CEP128: variants seen among roughly 807,000 people sequenced by gnomAD.
The protein encoded by CEP128 is centrosomal protein 128kDa.
CEP128 carries 132 observed loss-of-function variants against 156.7 expected under a neutral mutation model. The ratio of observed to expected loss-of-function variants is 0.84; its 90% CI spans 0.73 to 0.97. The LOEUF (loss-of-function observed/expected upper bound fraction) is 0.97. Among genes scored for constraint, CEP128 ranks in the 50% least tolerant of loss-of-function variants. The pLI is 0.00. For missense variants in CEP128, 1,252 were observed against 1,281.9 expected (o/e 0.98, Z 0.36); for synonymous variants, 469 against 448.9 (o/e 1.04, Z -0.57).
chr14:80,510,771 C>T (rs1445670060), intron 23 of CEP128, among the ~76,000 whole-genome samples: 3 of 151,304 alleles, frequency 2.0e-5, no homozygotes, highest in Non-Finnish European at 4.4e-5. Flanking sequence ...AGATATGTTC[C>T]TTTTAAAATC....
chr14:80,559,471 C>T (rs1890578109), intron 20 of CEP128, among the ~76,000 whole-genome samples, 169 bp from the exon 21 acceptor site: 2 of 152,064 alleles, frequency 1.3e-5, no homozygotes, highest in African/African-American at 4.8e-5. Flanking sequence ...AAATAGTCAT[C>T]AAAGAATGAA....
At chr14:80,887,911 A>G (rs1178310688) in intron 8 of CEP128, among the ~76,000 whole-genome samples, 1 of 152,196 alleles carries the variant, frequency 6.6e-6, no homozygotes, top group African/African-American at 2.4e-5. Context: ...AAGAGAGATG[A>G]ATCAAATAGA....
intron 5 of CEP128, 47 bp from the exon 6 acceptor site, chr14:80,904,978 A>G: frequency 9.3e-7 from 1 of 1,077,516 alleles, no homozygotes; most frequent in Non-Finnish European, 1.4e-6. Context: ...CTGCATGAGA[A>G]GAGACAATCT....
intron 19 of CEP128, among the ~76,000 whole-genome samples, chr14:80,610,205 A>T (rs1387363849): frequency 6.6e-6 from 1 of 152,168 alleles, no homozygotes; most frequent in Admixed American, 6.5e-5. Context: ...CCATTTATAG[A>T]ATTATCAATC....
At chr14:80,872,924 A>G (rs547899271) in intron 8 of CEP128, among the ~76,000 whole-genome samples, 103 of 152,314 alleles carry the variant, frequency 6.8e-4, no homozygotes, top group African/African-American at 2.3e-3. Flanking sequence ...TTCACTTTGG[A>G]CATTTTTTTC....
chr14:80,866,922 C>T (rs976145423), intron 8 of CEP128, among the ~76,000 whole-genome samples: 21 of 152,158 alleles, frequency 1.4e-4, no homozygotes, highest in South Asian at 4.1e-4. Flanking sequence ...TGCCTGAAAC[C>T]GAGGATAGTA....
intron 19 of CEP128, among the ~76,000 whole-genome samples, chr14:80,685,813 A>T (rs1783257649): frequency 6.6e-6 from 1 of 152,272 alleles, no homozygotes; most frequent in Admixed American, 6.5e-5. Context: ...CTGCACTCCT[A>T]GCACTATCTA....
At chr14:80,656,317 A>ATT (rs1441892605) in intron 19 of CEP128, among the ~76,000 whole-genome samples, 6 of 24,988 alleles carry the variant, frequency 2.4e-4, no homozygotes, top group African/African-American at 1.0e-3. Context: ...ATATATATAT[A>ATT]TATATATATA....
chr14:80,727,096 C>T (rs1312911165), intron 19 of CEP128, among the ~76,000 whole-genome samples: 5 of 152,086 alleles, frequency 3.3e-5, no homozygotes, highest in Non-Finnish European at 1.5e-5. Flanking sequence ...AAGTACAATA[C>T]CGCTGTGAAA....
chr14:80,628,482 ATGACTT>A (rs969522665), intron 19 of CEP128, among the ~76,000 whole-genome samples: 1 of 152,214 alleles, frequency 6.6e-6, no homozygotes, highest in Non-Finnish European at 1.5e-5. Context: ...ATGAACTGAC[ATGACTT>A]TAACAAGCTA....
intron 8 of CEP128, among the ~76,000 whole-genome samples, chr14:80,885,113 G>C (rs1888733672): frequency 1.3e-5 from 2 of 152,178 alleles, no homozygotes; most frequent in Non-Finnish European, 2.9e-5. Flanking sequence ...TGAAAGAAAG[G>C]CAGCAGCCCC....
chr14:80,717,641 T>G (rs1897657083), intron 19 of CEP128, among the ~76,000 whole-genome samples: 1 of 152,052 alleles, frequency 6.6e-6, no homozygotes, highest in Non-Finnish European at 1.5e-5. Flanking sequence ...ATATTTAGAG[T>G]ACACACTTAA....
intron 13 of CEP128, among the ~76,000 whole-genome samples, chr14:80,804,829 T>A (rs1027332026): frequency 3.3e-5 from 5 of 152,134 alleles, no homozygotes; most frequent in African/African-American, 1.2e-4. Context: ...AAAGAAATTG[T>A]ATATTGCATA....
At chr14:80,724,106 G>A (rs1222724050) in intron 19 of CEP128, among the ~76,000 whole-genome samples, 1 of 152,182 alleles carries the variant, frequency 6.6e-6, no homozygotes, top group Non-Finnish European at 1.5e-5. Context: ...TCTGTGGTAT[G>A]CTATTGCTTT....
At chr14:80,760,863 G>A (rs1899928277) in intron 17 of CEP128, among the ~76,000 whole-genome samples, 1 of 152,094 alleles carries the variant, frequency 6.6e-6, no homozygotes, top group African/African-American at 2.4e-5. Flanking sequence ...AGGGAAGGCG[G>A]ATAACATAGT....
At chr14:80,741,115 T>C (rs1040332704) in intron 19 of CEP128, among the ~76,000 whole-genome samples, 1 of 151,232 alleles carries the variant, frequency 6.6e-6, no homozygotes, top group South Asian at 2.1e-4. Context: ...GCAAGATCAG[T>C]CACCTGTTTA....
At chr14:80,520,989 A>ATTTTTTTTTTT (rs533538115) in intron 23 of CEP128, among the ~76,000 whole-genome samples, 9 of 114,586 alleles carry the variant, frequency 7.9e-5, no homozygotes, top group Non-Finnish European at 1.6e-4. Flanking sequence ...CGCCCAGCTA[A>ATTTTTTTTTTT]TTTTTTTTTT....
intron 19 of CEP128, among the ~76,000 whole-genome samples, chr14:80,741,644 ACTC>A (rs770456153): frequency 2.0e-5 from 3 of 151,970 alleles, no homozygotes; most frequent in Non-Finnish European, 4.4e-5. Context: ...AAAAATATTA[ACTC>A]TGAGATGGCA....
At chr14:80,862,108 C>G (rs1887540860) in intron 9 of CEP128, among the ~76,000 whole-genome samples, 1 of 152,148 alleles carries the variant, frequency 6.6e-6, no homozygotes, top group Non-Finnish European at 1.5e-5. Flanking sequence ...TAACTATTCT[C>G]CATTTTAAAT....
Sources: gnomAD v4.1 joint callset for allele counts (sites outside exome capture counted in the v4.1 genomes callset) on GRCh38, gnomAD v4.1.1 for gene constraint, MANE v1.5 for transcripts, NCBI Gene and HGNC (gene_info 2026-07-23, HGNC 2026-07-21) for gene names.